Variants in ZSWIM8 observed in about 807,000 individuals in gnomAD.
The protein encoded by ZSWIM8 is zinc finger SWIM domain-containing protein 8.
Under a neutral mutation model 173.7 loss-of-function variants are expected in ZSWIM8, and 27 were observed. The observed-to-expected ratio is 0.16, with a 90% confidence interval of 0.11 to 0.21. The LOEUF (loss-of-function observed/expected upper bound fraction) is 0.21. ZSWIM8 is among the 10% of genes least tolerant of loss of function. ZSWIM8 has a pLI of 1.00. For missense variants in ZSWIM8, 1,627 were observed against 2,428.8 expected, an observed-to-expected ratio of 0.67 and a Z score of 6.94; for synonymous variants, 958 against 962.0, an observed-to-expected ratio of 1.00 and a Z score of 0.08.
At position 73,793,856 on chromosome 10, in the gene ZSWIM8, C is replaced by G; in HGVS notation, c.2446-9C>G. On this transcript the variant is annotated splice_polypyrimidine_tract_variant and intron_variant, in intron 11 of 25. Coordinates refer to ENST00000604729, the MANE Select transcript of ZSWIM8 (RefSeq NM_001367799.1). ...ATCTGCCTGTCTCCTGTGTTTCTTC[C>G]CTTTCTAGGGCAAGAAGAACAAGGT... The G allele has an allele frequency of 6.2e-7, 1 of 1,600,184 alleles. No individual in the cohort carries two copies. The highest frequency in any genetic ancestry group is 8.5e-7 in the Non-Finnish European group (1 of 1,174,878).
chr10:73,793,867 C>T lies in ZSWIM8; in HGVS notation c.2448C>T (p.Gly816=), dbSNP rs1554974476. The T allele has an allele frequency of 6.2e-7, 1 of 1,603,998 alleles. No individual in the cohort carries two copies. The highest frequency in any genetic ancestry group is 2.2e-5 in the East Asian group (1 of 44,874). ...TCCTGTGTTTCTTCCCTTTCTAGGG[C>T]AAGAAGAACAAGGTATCCACGAGCC... ...DLKVEPPPAK[G]KKNKVSTSRQ... Residue 816 remains glycine (G), a splice_region_variant and synonymous_variant, in exon 12 of 26, where the codon GGC becomes GGT. Coordinates refer to ENST00000604729, the MANE Select transcript of ZSWIM8 (RefSeq NM_001367799.1).
chr10:73,800,383 G>A lies in ZSWIM8; in HGVS notation c.4913G>A (p.Ser1638Asn), dbSNP rs201698838. ...ALTTQPSPLV[S>N]GGFPPPEEET... ...ACCACACAGCCCAGCCCTCTGGTGA[G>A]CGGAGGTTTTCCACCGCCCGAGGAG... Residue 1638 changes from serine (S) to asparagine (N), a missense_variant, in exon 23 of 26, where the codon AGC (serine) becomes AAC (asparagine). Coordinates refer to ENST00000604729, the MANE Select transcript of ZSWIM8 (RefSeq NM_001367799.1). The surrounding 1 kb of genome is among the most constrained non-coding windows in gnomAD (Gnocchi z 4.1). 1.1e-5 allele frequency: 18 copies of A among 1,613,894 alleles called. No homozygotes were observed. Among genetic ancestry groups the A allele is most frequent in the Non-Finnish European group, 1.4e-5 (17 of 1,179,874 alleles).
rs2083355017 is a variant in ZSWIM8 at position 73,789,882 on chromosome 10, C to T, written c.738+58C>T. Reference sequence around the variant, plus strand: ...GCTCCGGGCCAGGCCGCATAACAGCCTTCCTGTTAGGCCCAGGCCTCCATG... The same window carrying T: ...GCTCCGGGCCAGGCCGCATAACAGCTTTCCTGTTAGGCCCAGGCCTCCATG... On this transcript the variant is annotated intron_variant, in intron 5 of 25. Coordinates refer to ENST00000604729, the MANE Select transcript of ZSWIM8 (RefSeq NM_001367799.1). This position sits in a 1 kb window ranked among gnomAD's most constrained non-coding sequence, Gnocchi z 6.8. 2 of 1,582,920 alleles carry T rather than the reference C, an allele frequency of 1.3e-6. No individual in the cohort carries two copies. The highest frequency in any genetic ancestry group is 1.7e-6 in the Non-Finnish European group (2 of 1,161,828).
Position 73,801,277 on chromosome 10 carries a change from C to T in ZSWIM8, c.5302-39C>T, listed in dbSNP as rs1282190352. 1.2e-6 allele frequency: 2 copies of T among 1,608,484 alleles called. No homozygotes were observed. Among genetic ancestry groups the T allele is most frequent in the South Asian group, 1.1e-5 (1 of 90,618 alleles). On this transcript the variant is annotated intron_variant, in intron 25 of 25. Transcript: ENST00000604729. This position sits in a 1 kb window ranked among gnomAD's most constrained non-coding sequence, Gnocchi z 4.9. ...GAGGGAGGCAGGGCCTGTTTCTGTG[C>T]TTTGTACTAAGGCTCATCCTGCACA...
intron 10 of ZSWIM8, among the ~76,000 whole-genome samples, chr10:73,793,289 C>T (rs569061639): frequency 8.0e-4 from 122 of 152,300 alleles, no homozygotes; most frequent in African/African-American, 2.8e-3. Context: ...CCCATTAGCC[C>T]GTGTTTCTCC....
Position 73,795,919 on chromosome 10 carries a change from C to T in ZSWIM8, c.3033+256C>T, listed in dbSNP as rs1010794792. Among the ~76,000 whole-genome samples the T allele has an allele frequency of 6.5e-5, 9 of 138,922 alleles. No individual in the cohort carries two copies. The South Asian group carries it at 9.3e-4, about 14-fold the overall frequency. The allele number at this position is 138,922 out of a possible 152,430, so 91.1% of individuals were successfully genotyped here. Reference sequence around the variant, plus strand: ...CAGAGGTTGCAATGAGCTGGGTTCACGCCACTGCACTCCAGCCTGGGTGAC... The same window carrying T: ...CAGAGGTTGCAATGAGCTGGGTTCATGCCACTGCACTCCAGCCTGGGTGAC... On this transcript the variant is annotated intron_variant, in intron 15 of 25. Transcript: ENST00000604729.
chr10:73,790,259 A>G lies in ZSWIM8; in HGVS notation c.908A>G (p.His303Arg). 6.2e-7 allele frequency: 1 copy of G among 1,613,302 alleles called. No homozygotes were observed. Among genetic ancestry groups the G allele is most frequent in the Non-Finnish European group, 8.5e-7 (1 of 1,179,502 alleles). ...TLTDNIKKTL[H>R]KFCGPSPVVF... ...ACTGACAACATCAAAAAGACACTGC[A>G]CAAGTTCTGTGGCCCCTCCCCTGTG... The change falls in exon 7 of 26, where the codon CAC (histidine) becomes CGC (arginine). Residue 303 changes from histidine to arginine, a missense_variant. Around this residue, in one of 18 missense-constraint regions of ZSWIM8, gnomAD observed 19 missense variants for 21.1 expected, o/e 0.90. Transcript: ENST00000604729.
chr10:73,790,881 C>T, intron 7 of ZSWIM8, 94 bp from the exon 8 acceptor site: 1 of 1,232,654 alleles, frequency 8.1e-7, no homozygotes, highest in Non-Finnish European at 1.1e-6. Flanking sequence ...ATGTCTTTTT[C>T]CCTCTATCTT....
At chr10:73,790,859 A>AT in intron 7 of ZSWIM8, 116 bp from the exon 8 acceptor site, 2 of 1,024,206 alleles carry the variant, frequency 2.0e-6, no homozygotes, top group Non-Finnish European at 2.8e-6. Context: ...AAAAAAAAAA[A>AT]TTTTGTTACA....
In ZSWIM8 at chr10:73,791,947, C is replaced by T. The variant is rs1159464937; in HGVS notation, c.1408C>T (p.Arg470Trp). The change falls in exon 10 of 26, where the codon CGG becomes TGG. Residue 470 changes from arginine to tryptophan, a missense_variant. Transcript: ENST00000604729. The surrounding 1 kb of genome is among the most constrained non-coding windows in gnomAD (Gnocchi z 6.0). ...GGGCCAACACAAGAAGACGCTGGAG[C>T]GGCTCTTCCCCGGCTTCCGGCCAGC... ...KRGQHKKTLE[R>W]LFPGFRPAVE... 3.9e-6 allele frequency: 6 copies of T among 1,551,358 alleles called. No individual in the cohort carries two copies. Among genetic ancestry groups the T allele is most frequent in the South Asian group, 2.4e-5 (2 of 84,056 alleles).
Position 73,792,357 on chromosome 10 carries a change from G to T in ZSWIM8, c.1818G>T (p.Arg606=), listed in dbSNP as rs1200885973. 3 of 1,610,860 alleles carry T rather than the reference G, an allele frequency of 1.9e-6. No individual in the cohort carries two copies. Among genetic ancestry groups the T allele is most frequent in the Non-Finnish European group, 2.5e-6 (3 of 1,178,572 alleles). Residue 606 remains arginine, a synonymous_variant, in exon 10 of 26, where the codon CGG becomes CGT. Coordinates refer to ENST00000604729, the MANE Select transcript of ZSWIM8 (RefSeq NM_001367799.1). This position sits in a 1 kb window ranked among gnomAD's most constrained non-coding sequence, Gnocchi z 4.3. The part of the protein sequence containing the change: ...KGSAGGGSKR[R]LSSEDSSLEP... ...CAGCAGGTGGCGGAAGCAAGCGACG[G>T]CTGAGCAGCGAAGACAGCTCCCTGG...
In ZSWIM8 at chr10:73,789,063, G is replaced by C. The variant is rs1307128970; in HGVS notation, c.363-33G>C. 1 of 1,608,420 alleles carries C rather than the reference G, an allele frequency of 6.2e-7. No homozygotes were observed. The highest frequency in any genetic ancestry group is 1.7e-5 in the Admixed American group (1 of 59,628). On this transcript the variant is annotated intron_variant, in intron 2 of 25. Transcript: ENST00000604729. The surrounding 1 kb of genome is among the most constrained non-coding windows in gnomAD (Gnocchi z 6.8). ...CAGGGTCTGCCAAAGGTTATTTGCT[G>C]AGTTGTGGCTGTGTCCTCTTCTTCA...
rs747954392 is a variant in ZSWIM8, at chr10:73,797,005, A to C, written c.3265A>C (p.Asn1089His). Residue 1089 changes from asparagine (N) to histidine (H), a missense_variant, in exon 16 of 26, where the codon AAT (asparagine) becomes CAT (histidine). Physicochemically the swap from Asn to His is moderately conservative, Grantham distance 68 (BLOSUM62 1). Around this residue, in one of 18 missense-constraint regions of ZSWIM8, gnomAD observed 163 missense variants for 193.2 expected, o/e 0.84. Coordinates refer to ENST00000604729, the MANE Select transcript of ZSWIM8 (RefSeq NM_001367799.1). The surrounding 1 kb of genome is among the most constrained non-coding windows in gnomAD (Gnocchi z 5.6). Reference protein sequence around the residue: ...PGPTEGFTEKNVPESSPHSPC... With the variant: ...PGPTEGFTEKHVPESSPHSPC... ...CCCCACTGAGGGCTTCACAGAGAAGAATGTGCCTGGTGAGGTGGGGGCACT... is the reference window on the plus strand; with the variant it reads ...CCCCACTGAGGGCTTCACAGAGAAGCATGTGCCTGGTGAGGTGGGGGCACT... 1 of 1,610,198 alleles carries C rather than the reference A, an allele frequency of 6.2e-7. No homozygotes were observed. Among genetic ancestry groups the C allele is most frequent in the African/African-American group, 1.3e-5 (1 of 74,680 alleles).
In ZSWIM8 at chr10:73,798,989, C is replaced by A. The variant is rs1253253700; in HGVS notation, c.4177-13C>A. 1 of 1,597,808 alleles carries A rather than the reference C, an allele frequency of 6.3e-7. No homozygotes were observed. The highest frequency in any genetic ancestry group is 1.7e-5 in the Admixed American group (1 of 59,408). On this transcript the variant is annotated splice_polypyrimidine_tract_variant and intron_variant, in intron 20 of 25. Coordinates refer to ENST00000604729, the MANE Select transcript of ZSWIM8 (RefSeq NM_001367799.1). ...GCCTTTCCCCCTTAACACTCTGTGC[C>A]CCTCTCTTCCAGGACAACCTGATGT...
At position 73,795,962 on chromosome 10, in the gene ZSWIM8, CAA is replaced by C. The variant is rs34801762; in HGVS notation, c.3033+320_3033+321del. ...TGGGTGACAGAGCAAGACCCTGTTT[CAA>C]AAAAAAAAAAAAAAAAAAAAGGCAA... On this transcript the variant is annotated intron_variant, in intron 15 of 25. Transcript: ENST00000604729. Among the ~76,000 whole-genome samples, 322 of 58,808 alleles carry C rather than the reference CAA, an allele frequency of 5.5e-3. 1 individual carries two copies. Among genetic ancestry groups the C allele is most frequent in the African/African-American group, 0.017 (246 of 14,784 alleles). 38.6% of individuals were successfully genotyped at this position (58,808 alleles called of 152,430 possible). A position where few individuals can be genotyped will look rare whatever the true frequency, so the allele number is the denominator to read the frequency against.
Position 73,794,049 on chromosome 10 carries a change from GA to G in ZSWIM8, c.2625+6del. 1 of 1,612,508 alleles carries G rather than the reference GA, an allele frequency of 6.2e-7. No individual in the cohort carries two copies. The highest frequency in any genetic ancestry group is 1.7e-5 in the Admixed American group (1 of 59,770). On this transcript the variant is annotated splice_donor_region_variant and intron_variant, in intron 12 of 25. Transcript: ENST00000604729. ...GCTTCTACCAAGGCCTTGGAGGTCAGAGGCTCCATCTCAGCCTTGTATTTCA... is the reference window on the plus strand; with the variant it reads ...GCTTCTACCAAGGCCTTGGAGGTCAGGGCTCCATCTCAGCCTTGTATTTCA...
At position 73,797,158 on chromosome 10, in the gene ZSWIM8, C is replaced by G; in HGVS notation, c.3320C>G (p.Ala1107Gly). The G allele has an allele frequency of 6.2e-7, 1 of 1,613,830 alleles. No individual in the cohort carries two copies. The highest frequency in any genetic ancestry group is 1.7e-5 in the Admixed American group (1 of 59,984). The stretch of plus-strand genomic sequence containing the variant: ...TGTGAGGGTCTTCCATCTGAGGCAG[C>G]TTTGACCCCAAGGCCAGAAGGGAAG... ...SPCEGLPSEAALTPRPEGKVP... is the reference protein window; with the variant it reads ...SPCEGLPSEAGLTPRPEGKVP... The change falls in exon 17 of 26, where the codon GCT becomes GGT. Residue 1107 changes from alanine to glycine, a missense_variant. Physicochemically the swap from Ala to Gly is moderately conservative, Grantham distance 60. Around this residue, in one of 18 missense-constraint regions of ZSWIM8, gnomAD observed 163 missense variants for 193.2 expected, o/e 0.84. Transcript: ENST00000604729. The surrounding 1 kb of genome is among the most constrained non-coding windows in gnomAD (Gnocchi z 5.6).
chr10:73,788,563 A>G, intron 1 of ZSWIM8, 107 bp from the exon 2 acceptor site: 1 of 1,351,328 alleles, frequency 7.4e-7, no homozygotes, highest in Non-Finnish European at 1.0e-6. Context: ...TCTTTCTTTC[A>G]TAGTGAAGAT....
At chr10:73,795,726 G>C (rs527441263) in intron 15 of ZSWIM8, 63 bp downstream of exon 15, 18 of 1,557,628 alleles carry the variant, frequency 1.2e-5, no homozygotes, top group Admixed American at 1.8e-5. Context: ...GGGAGGCAGA[G>C]GCGGGCAGAT....
Sources: gnomAD v4.1 joint callset for allele counts (sites outside exome capture counted in the v4.1 genomes callset) on GRCh38, gnomAD v4.1.1 for gene constraint, gnomAD v4.1.1 regional missense constraint, Gnocchi (gnomAD v3.1) non-coding constraint, MANE v1.5 for transcripts, NCBI Gene and HGNC (gene_info 2026-07-23, HGNC 2026-07-21) for gene names.